The following ASB15 variants were observed in gnomAD, a reference collection of about 807,000 sequenced individuals.
ASB15 encodes the protein ankyrin repeat and SOCS box containing 15.
In ASB15, 54 loss-of-function variants were observed where a neutral mutation model predicts 58.0. The ratio of observed to expected loss-of-function variants is 0.93; its 90% CI spans 0.75 to 1.17. The LOEUF is 1.17. Among genes scored for constraint, ASB15 ranks in the 50% most tolerant of loss-of-function variants. The pLI is 0.00. For missense variants in ASB15, 680 were observed against 707.4 expected (o/e 0.96, Z 0.44); for synonymous variants, 249 against 262.4 (o/e 0.95, Z 0.50).
chr7:123,625,488 A>G (rs1335791843), intron 8 of ASB15, among the ~76,000 whole-genome samples: 2 of 152,124 alleles, frequency 1.3e-5, no homozygotes, highest in African/African-American at 4.8e-5. Context: ...CACTGCTCCC[A>G]TCTTGTATCC....
intron 2 of ASB15, among the ~76,000 whole-genome samples, chr7:123,605,623 G>C (rs1469297361): frequency 1.3e-5 from 2 of 152,170 alleles, no homozygotes; most frequent in African/African-American, 2.4e-5. Context: ...ACTGGATAAA[G>C]ATAATGTTGT....
rs370081452 is a variant in ASB15 at position 123,629,066 on chromosome 7, G to C, written c.1072G>C (p.Val358Leu). Reference protein sequence around the residue: ...DERKTALYFGVSNNDVHCTEV... With the variant: ...DERKTALYFGLSNNDVHCTEV... Reference sequence around the variant, plus strand: ...GAGGAAGACTGCGCTGTATTTTGGCGTTTCTAATAATGACGTTCATTGCAC... The same window carrying C: ...GAGGAAGACTGCGCTGTATTTTGGCCTTTCTAATAATGACGTTCATTGCAC... Residue 358 changes from valine to leucine, a missense_variant, in exon 10 of 12, where the codon GTT (valine) becomes CTT (leucine). Physicochemically the swap from Val to Leu is conservative, Grantham distance 32. Coordinates refer to ENST00000451215, the MANE Select transcript of ASB15 (RefSeq NM_001290258.2). The C allele has an allele frequency of 8.1e-6, 13 of 1,613,552 alleles. No homozygotes were observed. Among genetic ancestry groups the C allele is most frequent in the Non-Finnish European group, 1.1e-5 (13 of 1,179,660 alleles).
At chr7:123,623,167 T>C (rs1355801492) in intron 7 of ASB15, 1 of 152,224 alleles carries the variant, frequency 6.6e-6, no homozygotes, top group East Asian at 1.9e-4. Flanking sequence ...CTTCCTGTTG[T>C]CCACAGTGCA....
At chr7:123,568,168 T>C (rs1798809387) in intron 1 of ASB15, among the ~76,000 whole-genome samples, 2 of 152,202 alleles carry the variant, frequency 1.3e-5, no homozygotes, top group African/African-American at 4.8e-5. Flanking sequence ...ACACTCCCAC[T>C]GAGATTTGGA....
intron 1 of ASB15, among the ~76,000 whole-genome samples, chr7:123,578,588 C>T (rs1008777412): frequency 6.6e-6 from 1 of 152,074 alleles, no homozygotes; most frequent in South Asian, 2.1e-4. Flanking sequence ...TGATATTTTT[C>T]CTTATTATGG....
At chr7:123,612,240 T>C (rs1452524458) in intron 3 of ASB15, 3 of 152,200 alleles carry the variant, frequency 2.0e-5, no homozygotes, top group Non-Finnish European at 4.4e-5. Context: ...ATTCAGTACT[T>C]GTCTGCTAGT....
chr7:123,621,216 C>T (rs1004060886), intron 7 of ASB15, among the ~76,000 whole-genome samples: 3 of 152,178 alleles, frequency 2.0e-5, no homozygotes, highest in Admixed American at 1.3e-4. Context: ...AGGAAAGGAA[C>T]TCTATCACTG....
In ASB15 at chr7:123,572,303, G is replaced by A. The variant is rs893300280; in HGVS notation, c.-443+5215G>A. ...ACTGTAGGCACGCGCCACCATGCCC[G>A]CTTAATTTTTGTATTTTTAGTAGAG... On this transcript the variant is annotated intron_variant, in intron 1 of 13. Coordinates refer to the ASB15 transcript ENST00000451558. Among the ~76,000 whole-genome samples the A allele has an allele frequency of 9.9e-5, 15 of 151,090 alleles. No individual in the cohort carries two copies. In the East Asian group the frequency reaches 1.2e-3, roughly 12 times the overall value.
chr7:123,603,930 A>G (rs1800011869), intron 1 of ASB15, 102 bp from the exon 2 acceptor site: 1 of 152,190 alleles, frequency 6.6e-6, no homozygotes, highest in South Asian at 2.1e-4. Context: ...AAAAGGGAAC[A>G]CTTAAACTTG....
rs1459949582 is a variant in ASB15, at chr7:123,637,877, C to CAAAAAAAAAAAAAAAAAAAAAAAAAAAAA, written c.*896_*897insAAAAAAAAAAAAAAAAAAAAAAAAAAAAA. The CAAAAAAAAAAAAAAAAAAAAAAAAAAAAA allele has an allele frequency of 1.0e-4, 2 of 19,116 alleles. No homozygotes were observed. The highest frequency in any genetic ancestry group is 2.4e-4 in the African/African-American group (1 of 4,104). 1.2% of individuals were successfully genotyped at this position (19,116 alleles called of 1,614,324 possible). A position where few individuals can be genotyped will look rare whatever the true frequency, so the allele number is the denominator to read the frequency against. The stretch of plus-strand genomic sequence containing the variant: ...CAAATTCAACATGTCCCCAGATGAA[C>CAAAAAAAAAAAAAAAAAAAAAAAAAAAAA]TAAAAAAAAAAAAAAAAAAAAAACC... On this transcript the variant is annotated 3_prime_UTR_variant, in exon 12 of 12. Coordinates refer to ENST00000451215, the MANE Select transcript of ASB15 (RefSeq NM_001290258.2).
At chr7:123,570,849 A>G (rs1302029607) in intron 1 of ASB15, among the ~76,000 whole-genome samples, 2 of 152,162 alleles carry the variant, frequency 1.3e-5, no homozygotes, top group African/African-American at 4.8e-5. Flanking sequence ...ACCTGTCCAT[A>G]TGGATTTCTC....
At chr7:123,617,506 G>C (rs1800901540) in intron 6 of ASB15, 73 bp from the exon 7 acceptor site, 4 of 1,326,196 alleles carry the variant, frequency 3.0e-6, no homozygotes, top group Non-Finnish European at 4.2e-6. Flanking sequence ...TATAATATTG[G>C]ATTGCTCTGA....
rs1802523253 is a variant in ASB15 at position 123,638,356 on chromosome 7, T to C, written c.*1375T>C. 1 of 152,182 alleles carries C rather than the reference T, an allele frequency of 6.6e-6. No individual in the cohort carries two copies. Among genetic ancestry groups the C allele is most frequent in the African/African-American group, 2.4e-5 (1 of 41,446 alleles). The allele number at this position is 152,182 out of a possible 1,614,324, so 9.4% of individuals were successfully genotyped here. On this transcript the variant is annotated 3_prime_UTR_variant, in exon 12 of 12. Transcript: ENST00000451215. The stretch of plus-strand genomic sequence containing the variant: ...CTTTCCTCCTTTCCCTTGAACCTTC[T>C]AGAATTTTATTTTTTAAACACTGAT...
At chr7:123,579,488 TATAA>T (rs1413852207) in intron 1 of ASB15, among the ~76,000 whole-genome samples, 1 of 152,132 alleles carries the variant, frequency 6.6e-6, no homozygotes, top group Non-Finnish European at 1.5e-5. Context: ...GTAAACTCTC[TATAA>T]ATAGTCTCAA....
At chr7:123,620,616 G>C (rs1294577525) in intron 7 of ASB15, among the ~76,000 whole-genome samples, 1 of 116,112 alleles carries the variant, frequency 8.6e-6, no homozygotes, top group Non-Finnish European at 1.7e-5. Context: ...CTGTCGCCCA[G>C]GCTGGAGTGC....
chr7:123,634,862 A>G (rs1159639981), intron 11 of ASB15, among the ~76,000 whole-genome samples: 2 of 152,232 alleles, frequency 1.3e-5, no homozygotes, highest in African/African-American at 4.8e-5. Context: ...AACCTGATAT[A>G]GTTTTGCCAA....
rs758269356 is a variant in ASB15, at chr7:123,627,143, C to A, written c.731C>A (p.Ala244Glu). Residue 244 changes from alanine to glutamate, a missense_variant, in exon 9 of 12, where the codon GCG becomes GAG. Physicochemically the swap from Ala to Glu is moderately radical, Grantham distance 107 (BLOSUM62 -1). Coordinates refer to ENST00000451215, the MANE Select transcript of ASB15 (RefSeq NM_001290258.2). ...GDVLALADDG[A>E]SVLFEAAGGG... ...GTGCTTGCTTTGGCGGATGATGGGG[C>A]GTCGGTGCTGTTTGAGGCAGCAGGA... 1.5e-5 allele frequency: 24 copies of A among 1,613,576 alleles called. No homozygotes were observed. The South Asian group carries it at 2.6e-4, about 18-fold the overall frequency.
intron 3 of ASB15, among the ~76,000 whole-genome samples, chr7:123,610,948 GGCCGGT>G (rs1800402687): frequency 6.6e-6 from 1 of 151,916 alleles, no homozygotes; most frequent in Non-Finnish European, 1.5e-5. Flanking sequence ...CAGGCATGGT[GGCCGGT>G]GCCTATAATC....
At chr7:123,599,392 G>C (rs1401792332), upstream of ASB15, among the ~76,000 whole-genome samples, 1 of 152,160 alleles carries the variant, frequency 6.6e-6, no homozygotes, top group Non-Finnish European at 1.5e-5. Context: ...ATAAAGAATG[G>C]GCTGGATCAG....
Sources: gnomAD v4.1 joint callset for allele counts (sites outside exome capture counted in the v4.1 genomes callset) on GRCh38, gnomAD v4.1.1 for gene constraint, MANE v1.5 for transcripts, NCBI Gene and HGNC (gene_info 2026-07-23, HGNC 2026-07-21) for gene names.